The following TP63 variants were observed in gnomAD, a reference collection of about 807,000 sequenced individuals.
The protein encoded by TP63 is tumor protein p63, also known as tumor protein 63.
TP63 carries 17 observed loss-of-function variants against 82.8 expected under a neutral mutation model. The ratio of observed to expected loss-of-function variants is 0.21; its 90% CI spans 0.14 to 0.31. TP63 has a LOEUF of 0.31. Among genes scored for constraint, TP63 ranks in the 10% least tolerant of loss-of-function variants. TP63 has a pLI of 1.00. For missense variants in TP63, 648 were observed against 895.3 expected (o/e 0.72, Z 3.52); for synonymous variants, 330 against 321.7 (o/e 1.03, Z -0.28).
intron 4 of TP63, among the ~76,000 whole-genome samples, chr3:189,855,099 CT>C (rs1187140731): frequency 1.3e-5 from 2 of 152,116 alleles, no homozygotes; most frequent in Non-Finnish European, 2.9e-5. Flanking sequence ...ATAGGAAAAA[CT>C]GCATAAAATA....
At chr3:189,881,115 T>C (rs1719865295) in intron 10 of TP63, 2 of 985,398 alleles carry the variant, frequency 2.0e-6, no homozygotes, top group Non-Finnish European at 2.4e-6. Flanking sequence ...CTTCTATCCC[T>C]CAAGCCTACC....
chr3:189,852,530 G>A (rs890559578), intron 4 of TP63, among the ~76,000 whole-genome samples: 1 of 152,186 alleles, frequency 6.6e-6, no homozygotes, highest in Non-Finnish European at 1.5e-5. Context: ...AACCAAGAAG[G>A]CTGAATTTAG....
chr3:189,772,733 G>A (rs558218795), intron 3 of TP63, among the ~76,000 whole-genome samples: 1 of 152,248 alleles, frequency 6.6e-6, no homozygotes, highest in Admixed American at 6.5e-5. Context: ...CAGCGTTGGT[G>A]GTGTAATGAA....
At chr3:189,765,927 T>C (rs184820448) in intron 3 of TP63, among the ~76,000 whole-genome samples, 101 of 152,332 alleles carry the variant, frequency 6.6e-4, no homozygotes, top group Non-Finnish European at 1.1e-3. Context: ...AGTGTTCTTA[T>C]AGTCTGTAAT....
At chr3:189,660,877 T>C (rs1419130789) in intron 1 of TP63, among the ~76,000 whole-genome samples, 1 of 151,918 alleles carries the variant, frequency 6.6e-6, no homozygotes, top group East Asian at 1.9e-4. Flanking sequence ...ATTATTGGTG[T>C]ATAGAAATGC....
At chr3:189,729,683 G>A (rs903740167) in intron 1 of TP63, among the ~76,000 whole-genome samples, 5 of 151,982 alleles carry the variant, frequency 3.3e-5, no homozygotes, top group African/African-American at 1.2e-4. Context: ...GATGAGTAGA[G>A]AGATAAGGAA....
intron 1 of TP63, among the ~76,000 whole-genome samples, chr3:189,714,256 A>G (rs779604931): frequency 2.6e-5 from 4 of 152,194 alleles, no homozygotes; most frequent in African/African-American, 7.2e-5. Context: ...TTCAAGTTCT[A>G]TTATTCTCTG....
rs1003948938 is a variant in TP63 at position 189,868,482 on chromosome 3, G to T, written c.993-98G>T. On this transcript the variant is annotated intron_variant, in intron 7 of 13. Coordinates refer to ENST00000264731, the MANE Select transcript of TP63 (RefSeq NM_003722.5). ...GCCATGGCTAAGCTGGTAGTACGTT[G>T]GCGATGGCCCATATGGGAAGTGGAA... The T allele has an allele frequency of 2.6e-6, 4 of 1,543,852 alleles. No individual in the cohort carries two copies. In the African/African-American group the frequency reaches 5.5e-5, roughly 21 times the overall value.
intron 4 of TP63, 56 bp downstream of exon 4, chr3:189,808,582 C>T: frequency 6.2e-7 from 1 of 1,608,062 alleles, no homozygotes; most frequent in Non-Finnish European, 8.5e-7. Flanking sequence ...ATGGGCTTCA[C>T]CACGTCCCAG....
At chr3:189,725,648 G>C (rs532188040) in intron 1 of TP63, among the ~76,000 whole-genome samples, 1 of 152,078 alleles carries the variant, frequency 6.6e-6, no homozygotes, top group Non-Finnish European at 1.5e-5. Context: ...GGCAGATGGT[G>C]GGGGAGGAAA....
chr3:189,838,700 T>A (rs1033491317), intron 4 of TP63, among the ~76,000 whole-genome samples: 1 of 152,130 alleles, frequency 6.6e-6, no homozygotes, highest in African/African-American at 2.4e-5. Context: ...AGGGGTTCCC[T>A]TAAAAAAGGA....
At chr3:189,793,087 G>A (rs1306754225) in intron 3 of TP63, among the ~76,000 whole-genome samples, 6 of 152,030 alleles carry the variant, frequency 3.9e-5, no homozygotes, top group African/African-American at 9.7e-5. Context: ...CAGCCAGGTC[G>A]TATTCCTCAC....
In TP63 at chr3:189,875,611, T is replaced by TACACAC. The variant is rs1553859674; in HGVS notation, c.1349+2617_1349+2618insCACACA. ...ATACATACATATATATATATATATATATATATATATATATATATATATATA... is the reference window on the plus strand; with the variant it reads ...ATACATACATATATATATATATATATACACACATATATATATATATATATATATATA... On this transcript the variant is annotated intron_variant, in intron 10 of 13. Transcript: ENST00000264731. Among the ~76,000 whole-genome samples the TACACAC allele has an allele frequency of 1.6e-4, 12 of 77,040 alleles. 1 individual carries two copies. Among genetic ancestry groups the TACACAC allele is most frequent in the East Asian group, 3.5e-4 (1 of 2,852 alleles). The allele number at this position is 77,040 out of a possible 152,430, so 50.5% of individuals were successfully genotyped here.
chr3:189,868,075 TA>T (rs1717951642), intron 7 of TP63, 133 bp downstream of exon 7: 2 of 769,682 alleles, frequency 2.6e-6, no homozygotes, highest in African/African-American at 3.4e-5. Context: ...AAATCCTTGC[TA>T]CAAACGGTTA....
chr3:189,833,218 A>T (rs1231398048), intron 4 of TP63, among the ~76,000 whole-genome samples: 1 of 152,224 alleles, frequency 6.6e-6, no homozygotes, highest in African/African-American at 2.4e-5. Context: ...CAAATTCAGC[A>T]CAGTGAGGGG....
intron 1 of TP63, among the ~76,000 whole-genome samples, chr3:189,700,873 A>C (rs1177491485): frequency 6.6e-6 from 1 of 152,186 alleles, no homozygotes; most frequent in Non-Finnish European, 1.5e-5. Flanking sequence ...TAATCACAAC[A>C]TACCAAGCTA....
intron 1 of TP63, among the ~76,000 whole-genome samples, chr3:189,648,311 C>A (rs1712594285): frequency 6.8e-6 from 1 of 146,498 alleles, no homozygotes; most frequent in South Asian, 2.2e-4. Context: ...TTTGAAAATA[C>A]AATTTAGTTT....
chr3:189,751,419 A>G (rs901484457), intron 3 of TP63, among the ~76,000 whole-genome samples: 2 of 152,206 alleles, frequency 1.3e-5, no homozygotes, highest in South Asian at 4.1e-4. Flanking sequence ...TGGTTGAACT[A>G]ATTTACACTC....
chr3:189,800,010 C>T (rs1250697274), intron 3 of TP63, among the ~76,000 whole-genome samples: 1 of 151,970 alleles, frequency 6.6e-6, no homozygotes, highest in East Asian at 1.9e-4. Flanking sequence ...GCAGAGAAGA[C>T]CAACATTTTT....
Sources: gnomAD v4.1 joint callset for allele counts (sites outside exome capture counted in the v4.1 genomes callset) on GRCh38, gnomAD v4.1.1 for gene constraint, MANE v1.5 for transcripts, NCBI Gene and HGNC (gene_info 2026-07-23, HGNC 2026-07-21) for gene names.